RBFOX1: variants seen among roughly 807,000 people sequenced by gnomAD.
RBFOX1 encodes the protein RNA binding protein fox-1 homolog 1.
Under a neutral mutation model 57.7 loss-of-function variants are expected in RBFOX1, and 8 were observed. The ratio of observed to expected loss-of-function variants is 0.14; its 90% confidence interval spans 0.08 to 0.25. RBFOX1 has a LOEUF of 0.25. RBFOX1 is among the 10% of genes least tolerant of loss of function. The pLI is 1.00. For synonymous variants in RBFOX1, 326 were observed against 222.4 expected, an observed-to-expected ratio of 1.47 and a Z score of -4.15; for missense variants, 611 against 548.5, an observed-to-expected ratio of 1.11 and a Z score of -1.14.
chr16:5,407,853 C>T (rs556432876), intron 1 of RBFOX1, among the ~76,000 whole-genome samples: 27 of 152,332 alleles, frequency 1.8e-4, no homozygotes, highest in Non-Finnish European at 3.4e-4. Flanking sequence ...ATGGCCCAGG[C>T]CTTTGGGCTT....
intron 1 of RBFOX1, among the ~76,000 whole-genome samples, chr16:6,067,669 T>A (rs925020781): frequency 2.0e-5 from 3 of 152,302 alleles, no homozygotes; most frequent in Admixed American, 1.3e-4. Flanking sequence ...GAAGGAATTA[T>A]CTGCAAAGGG....
chr16:6,231,395 C>G lies in RBFOX1; in HGVS notation c.-126-85600C>G, dbSNP rs535979479. ...GCTCTTCTCATTTTCTTAAATGTTG[C>G]CCAAAGAATCCCATAAACATGGAAG... On this transcript the variant is annotated intron_variant, in intron 1 of 15. Coordinates refer to ENST00000550418, the MANE Select transcript of RBFOX1 (RefSeq NM_018723.4). Among the ~76,000 whole-genome samples the G allele has an allele frequency of 1.6e-3, 243 of 152,144 alleles. 2 individuals are homozygous for G. In the South Asian group the frequency reaches 0.018, roughly 11 times the overall value.
intron 3 of RBFOX1, among the ~76,000 whole-genome samples, chr16:6,988,951 A>G (rs1453303385): frequency 6.6e-6 from 1 of 151,654 alleles, no homozygotes; most frequent in Non-Finnish European, 1.5e-5. Flanking sequence ...TTTAGTTGAG[A>G]TGGGTTTTCC....
At chr16:7,432,685 A>G (rs1218017327) in intron 4 of RBFOX1, among the ~76,000 whole-genome samples, 1 of 152,148 alleles carries the variant, frequency 6.6e-6, no homozygotes, top group African/African-American at 2.4e-5. Flanking sequence ...ATTTACCAAA[A>G]CAGATGGTTG....
Position 6,557,267 on chromosome 16 carries a change from C to A in RBFOX1, c.-63-97336C>A, listed in dbSNP as rs141989951. ...CCCTTCTTTTTCGGGTGATGCATGACACCCATGAATTAAGATTTAAAAGAG... is the reference window on the plus strand; with the variant it reads ...CCCTTCTTTTTCGGGTGATGCATGAAACCCATGAATTAAGATTTAAAAGAG... On this transcript the variant is annotated intron_variant, in intron 2 of 15. Transcript: ENST00000550418. Among the ~76,000 whole-genome samples the A allele has an allele frequency of 3.4e-3, 516 of 151,468 alleles. 3 individuals carry two copies. The highest frequency in any genetic ancestry group is 0.012 in the African/African-American group (495 of 41,308).
At position 7,284,997 on chromosome 16, in the gene RBFOX1, A is replaced by G. The variant is rs76357983; in HGVS notation, c.27+232899A>G. 3.6e-4 allele frequency among the ~76,000 whole-genome samples: 54 copies of G among 150,166 alleles called. No individual in the cohort carries two copies. In the East Asian group the frequency reaches 6.1e-3, roughly 17 times the overall value. On this transcript the variant is annotated intron_variant, in intron 4 of 15. Transcript: ENST00000550418. ...CAACGCCTCATCCCTCCGTTGCCCAATGGAATGCCGCCTCTTCAGAAAAGC... is the reference window on the plus strand; with the variant it reads ...CAACGCCTCATCCCTCCGTTGCCCAGTGGAATGCCGCCTCTTCAGAAAAGC...
intron 5 of RBFOX1, among the ~76,000 whole-genome samples, chr16:7,568,822 G>A (rs2092428180): frequency 7.6e-6 from 1 of 132,336 alleles, no homozygotes. Context: ...GGGAGGCGGA[G>A]CTTACAGTGA....
At chr16:5,578,610 G>A (rs1455431251) in intron 2 of RBFOX1, among the ~76,000 whole-genome samples, 1 of 152,126 alleles carries the variant, frequency 6.6e-6, no homozygotes, top group South Asian at 2.1e-4. Context: ...GGGAGAAAAA[G>A]CCTGCCTTGT....
Position 6,101,543 on chromosome 16 carries a change from A to G in RBFOX1, c.-127+81551A>G, listed in dbSNP as rs111653356. 7.1e-3 allele frequency among the ~76,000 whole-genome samples: 1,077 copies of G among 152,040 alleles called. 12 individuals are homozygous for G. The highest frequency in any genetic ancestry group is 0.025 in the African/African-American group (1,028 of 41,466). Reference sequence around the variant, plus strand: ...CTCTTGTTGCCTAGGCTGGAGTGCAATGATGTGATCTTGGCACACTGCAAC... The same window carrying G: ...CTCTTGTTGCCTAGGCTGGAGTGCAGTGATGTGATCTTGGCACACTGCAAC... On this transcript the variant is annotated intron_variant, in intron 1 of 15. Transcript: ENST00000550418.
At chr16:7,655,646 T>C (rs918395205) in intron 12 of RBFOX1, among the ~76,000 whole-genome samples, 7 of 152,210 alleles carry the variant, frequency 4.6e-5, no homozygotes, top group African/African-American at 1.2e-4. Flanking sequence ...CAAGTTACCT[T>C]TGGGCTCATG....
chr16:7,461,224 G>T (rs560902114), intron 4 of RBFOX1, among the ~76,000 whole-genome samples: 1 of 151,874 alleles, frequency 6.6e-6, no homozygotes, highest in Non-Finnish European at 1.5e-5. Context: ...CTGGAGTGCA[G>T]TGGCACTATC....
intron 3 of RBFOX1, among the ~76,000 whole-genome samples, chr16:7,024,823 C>G (rs560496571): frequency 2.0e-5 from 3 of 152,172 alleles, no homozygotes; most frequent in Admixed American, 6.5e-5. Flanking sequence ...ATGTTAACCA[C>G]GATGGTTCTC....
chr16:5,977,952 C>T (rs1277292255), intron 4 of RBFOX1, among the ~76,000 whole-genome samples: 1 of 151,718 alleles, frequency 6.6e-6, no homozygotes, highest in African/African-American at 2.4e-5. Context: ...CCAGACATTG[C>T]CATGCTGGCT....
At chr16:5,276,909 A>G (rs2063155140) in intron 1 of RBFOX1, among the ~76,000 whole-genome samples, 1 of 152,196 alleles carries the variant, frequency 6.6e-6, no homozygotes, top group African/African-American at 2.4e-5. Context: ...CTAAAAGTAC[A>G]TCTACCATTT....
intron 2 of RBFOX1, among the ~76,000 whole-genome samples, chr16:6,434,739 C>T (rs796773743): frequency 4.6e-5 from 7 of 152,180 alleles, no homozygotes; most frequent in African/African-American, 1.7e-4. Flanking sequence ...TCTGACATTG[C>T]TAACAGCCTA....
chr16:6,857,368 T>C (rs1033547994), intron 3 of RBFOX1, among the ~76,000 whole-genome samples: 29 of 152,296 alleles, frequency 1.9e-4, no homozygotes, highest in African/African-American at 6.0e-4. Context: ...CACGTTATTC[T>C]TAGTGAATCA....
In RBFOX1 at chr16:6,314,825, C is replaced by T. The variant is rs564424373; in HGVS notation, c.-126-2170C>T. On this transcript the variant is annotated intron_variant, in intron 1 of 15. Transcript: ENST00000550418. ...GACTCAGATAATCCTGCATTGGAGG[C>T]ATACTGTGAATCTCTAGAAGAGAAC... Among the ~76,000 whole-genome samples the T allele has an allele frequency of 1.1e-4, 17 of 152,294 alleles. No individual in the cohort carries two copies. In the South Asian group the frequency reaches 3.1e-3, roughly 28 times the overall value.
intron 2 of RBFOX1, among the ~76,000 whole-genome samples, chr16:6,474,155 A>C (rs748439707): frequency 3.9e-5 from 6 of 152,134 alleles, no homozygotes; most frequent in Non-Finnish European, 8.8e-5. Flanking sequence ...GGGAAAATTA[A>C]AAAGGAAGGA....
chr16:6,195,777 T>C (rs1314964260), intron 1 of RBFOX1, among the ~76,000 whole-genome samples: 1 of 151,110 alleles, frequency 6.6e-6, no homozygotes, highest in African/African-American at 2.4e-5. Flanking sequence ...TCTGAGGTCA[T>C]GGGGTGAGCA....
Sources: gnomAD v4.1 joint callset for allele counts (sites outside exome capture counted in the v4.1 genomes callset) on GRCh38, gnomAD v4.1.1 for gene constraint, MANE v1.5 for transcripts, NCBI Gene and HGNC (gene_info 2026-07-23, HGNC 2026-07-21) for gene names.